TLE7: variants seen among roughly 807,000 people sequenced by gnomAD.
TLE7 encodes transducin-like enhancer protein 7.
In TLE7 at chr16:71,430,331, C is replaced by A. The variant is rs2042796737; in HGVS notation, c.1257G>T (p.Val419=). ...EESSGILCCD[V]SSDNQYLVMG... ...TGACCAGATACTGGTTGTCAGAGGA[C>A]ACGTCACAGCACAGGATACCTGAAG... is the stretch of plus-strand genomic sequence containing the variant. The change falls in exon 10 of 10, where the codon GTG becomes GTT. Residue 419 remains valine, a synonymous_variant. Transcript: ENST00000561754. 3 of 398,516 alleles carry A rather than the reference C, an allele frequency of 7.5e-6. No homozygotes were observed. The highest frequency in any genetic ancestry group is 8.8e-5 in the Admixed American group (2 of 22,714). The allele number at this position is 398,516 out of a possible 1,614,324, so 24.7% of individuals were successfully genotyped here. A position where few individuals can be genotyped will look rare whatever the true frequency, so the allele number is the denominator to read the frequency against.
chr16:71,440,810 A>T (rs34355072), intron 1 of TLE7, among the ~76,000 whole-genome samples: 3,698 of 152,240 alleles, frequency 0.024, 65 homozygotes, highest in Middle Eastern at 0.044. Flanking sequence ...GAGCCTCCAG[A>T]TCTTTATTTG....
intron 4 of TLE7, 124 bp from the exon 5 acceptor site, chr16:71,432,449 C>T (rs981469459): frequency 2.5e-5 from 10 of 397,610 alleles, no homozygotes; most frequent in African/African-American, 4.1e-5. Context: ...CAGAACCTGG[C>T]CCCTGGTTCC....
chr16:71,436,417 G>A (rs193143347), intron 1 of TLE7, among the ~76,000 whole-genome samples: 254 of 152,236 alleles, frequency 1.7e-3, no homozygotes, highest in Middle Eastern at 0.014. Flanking sequence ...AACCAACCCC[G>A]CTGAGCCAAG....
At chr16:71,441,717 C>G (rs966316883) in intron 1 of TLE7, among the ~76,000 whole-genome samples, 2 of 152,242 alleles carry the variant, frequency 1.3e-5, no homozygotes, top group Non-Finnish European at 2.9e-5. Flanking sequence ...ACGCAGGGCC[C>G]CGCTCCCCTG....
At chr16:71,440,997 G>A (rs1449375909) in intron 1 of TLE7, among the ~76,000 whole-genome samples, 3 of 152,144 alleles carry the variant, frequency 2.0e-5, no homozygotes, top group East Asian at 1.9e-4. Context: ...CTCCCGCATC[G>A]TACATTGCTC....
rs1241482497 is a variant in TLE7, at chr16:71,431,893, TG to T, written c.718del (p.Gln240ArgfsTer6). 23 of 400,524 alleles carry T rather than the reference TG, an allele frequency of 5.7e-5. No homozygotes were observed. Among genetic ancestry groups the T allele is most frequent in the Admixed American group, 8.8e-5 (2 of 22,708 alleles). The allele number at this position is 400,524 out of a possible 1,614,324, so 24.8% of individuals were successfully genotyped here. A position where few individuals can be genotyped will look rare whatever the true frequency, so the allele number is the denominator to read the frequency against. On this transcript the variant is annotated frameshift_variant, in exon 6 of 10. Transcript: ENST00000561754. LOFTEE classifies it high-confidence loss of function. This position sits in a 1 kb window ranked among gnomAD's most constrained non-coding sequence, Gnocchi z 4.5. ...VTLWDLAPTP[Q>X]VRAQLTSTGP... The stretch of plus-strand genomic sequence containing the variant: ...CGTCGAGGTCAGCTGTGCCCTGACC[TG>T]GGGGGTGGGTGCCAAGTCCCAGAGA...
chr16:71,431,389 T>G lies in TLE7; in HGVS notation c.993+32A>C. ...CCTCCATGCATGGCTCCACTACAGG[T>G]GGCATTCTGCCAGTGGTGGCCAGCC... On this transcript the variant is annotated intron_variant, in intron 7 of 9. Transcript: ENST00000561754. This position sits in a 1 kb window ranked among gnomAD's most constrained non-coding sequence, Gnocchi z 4.5. 7.5e-6 allele frequency: 3 copies of G among 400,284 alleles called. No individual in the cohort carries two copies. The highest frequency in any genetic ancestry group is 1.3e-5 in the Non-Finnish European group (3 of 226,296). The allele number at this position is 400,284 out of a possible 1,614,324, so 24.8% of individuals were successfully genotyped here. A position where few individuals can be genotyped will look rare whatever the true frequency, so the allele number is the denominator to read the frequency against.
chr16:71,437,548 T>C (rs1218612422), intron 1 of TLE7, among the ~76,000 whole-genome samples: 1 of 128,452 alleles, frequency 7.8e-6, no homozygotes, highest in Non-Finnish European at 1.8e-5. Context: ...AAGTTCCCGA[T>C]GTGTTGGTGA....
Position 71,435,707 on chromosome 16 carries a change from A to T in TLE7, c.-96-2287T>A, listed in dbSNP as rs570165875. Among the ~76,000 whole-genome samples, 3 of 152,354 alleles carry T rather than the reference A, an allele frequency of 2.0e-5. No homozygotes were observed. In the South Asian group the frequency reaches 6.2e-4, roughly 32 times the overall value. On this transcript the variant is annotated intron_variant, in intron 1 of 9. Coordinates refer to ENST00000561754, the MANE Select transcript of TLE7 (RefSeq NM_001367365.2). ...TGCATATTTCTGGACATTCAAACCTATGTTAAAAATGGTTGGATCTGGAGC... is the reference window on the plus strand; with the variant it reads ...TGCATATTTCTGGACATTCAAACCTTTGTTAAAAATGGTTGGATCTGGAGC...
At chr16:71,437,710 G>A (rs1263282137) in intron 1 of TLE7, among the ~76,000 whole-genome samples, 1 of 152,142 alleles carries the variant, frequency 6.6e-6, no homozygotes, top group Non-Finnish European at 1.5e-5. Flanking sequence ...TCCATTCCCT[G>A]ATCACCCCCT....
intron 1 of TLE7, among the ~76,000 whole-genome samples, chr16:71,439,325 G>T (rs2042838612): frequency 6.6e-6 from 1 of 152,198 alleles, no homozygotes; most frequent in Non-Finnish European, 1.5e-5. Flanking sequence ...GTAGCAGAGA[G>T]CATAGGAGAA....
In TLE7 at chr16:71,431,280, C is replaced by T. The variant is rs754442492; in HGVS notation, c.994-6G>A. On this transcript the variant is annotated splice_polypyrimidine_tract_variant and splice_region_variant and intron_variant, in intron 7 of 9. Transcript: ENST00000561754. This position sits in a 1 kb window ranked among gnomAD's most constrained non-coding sequence, Gnocchi z 4.5. Reference sequence around the variant, plus strand: ...TCGTGGGTAATGCTGAGGATCTGTTCGTGGAAGCAGGTTTGAGGTCAGCAC... The same window carrying T: ...TCGTGGGTAATGCTGAGGATCTGTTTGTGGAAGCAGGTTTGAGGTCAGCAC... 14 of 399,584 alleles carry T rather than the reference C, an allele frequency of 3.5e-5. No individual in the cohort carries two copies. The highest frequency in any genetic ancestry group is 5.3e-5 in the Non-Finnish European group (12 of 226,244). 24.8% of individuals were successfully genotyped at this position (399,584 alleles called of 1,614,324 possible).
intron 1 of TLE7, among the ~76,000 whole-genome samples, chr16:71,437,032 G>A (rs1047079774): frequency 6.6e-6 from 1 of 151,772 alleles, no homozygotes; most frequent in South Asian, 2.1e-4. Flanking sequence ...TGTCCAACAT[G>A]GTGAAACCCT....
chr16:71,434,303 G>A (rs1299567410), intron 1 of TLE7, among the ~76,000 whole-genome samples: 1 of 152,192 alleles, frequency 6.6e-6, no homozygotes, highest in Non-Finnish European at 1.5e-5. Context: ...GCCTGTGTCA[G>A]GGACCAGAGC....
Position 71,431,297 on chromosome 16 carries a change from G to C in TLE7, c.994-23C>G, listed in dbSNP as rs2042802379. The C allele has an allele frequency of 2.5e-6, 1 of 399,300 alleles. No homozygotes were observed. Among genetic ancestry groups the C allele is most frequent in the East Asian group, 3.6e-5 (1 of 28,070 alleles). 24.7% of individuals were successfully genotyped at this position (399,300 alleles called of 1,614,324 possible). ...GATCTGTTCGTGGAAGCAGGTTTGA[G>C]GTCAGCACTCAAAGTTGCCAACGCC... is the stretch of plus-strand genomic sequence containing the variant. On this transcript the variant is annotated intron_variant, in intron 7 of 9. Transcript: ENST00000561754. This position sits in a 1 kb window ranked among gnomAD's most constrained non-coding sequence, Gnocchi z 4.5.
rs1453814638 is a variant in TLE7 at position 71,431,261 on chromosome 16, G to C, written c.1007C>G (p.Thr336Ser). The C allele has an allele frequency of 1.0e-5, 4 of 399,888 alleles. No homozygotes were observed. The highest frequency in any genetic ancestry group is 2.1e-5 in the African/African-American group (1 of 48,654). The allele number at this position is 399,888 out of a possible 1,614,324, so 24.8% of individuals were successfully genotyped here. A position where few individuals can be genotyped will look rare whatever the true frequency, so the allele number is the denominator to read the frequency against. Residue 336 changes from threonine to serine, a missense_variant, in exon 8 of 10, where the codon ACC (threonine) becomes AGC (serine). Transcript: ENST00000561754. The surrounding 1 kb of genome is among the most constrained non-coding windows in gnomAD (Gnocchi z 4.5). The stretch of plus-strand genomic sequence containing the variant: ...TACCCATTCTTCACCGGGGTCGTGG[G>C]TAATGCTGAGGATCTGTTCGTGGAA... Reference protein sequence around the residue: ...HNLQNEILSITHDPGEEWVLA... With the variant: ...HNLQNEILSISHDPGEEWVLA...
intron 4 of TLE7, 116 bp from the exon 5 acceptor site, chr16:71,432,441 G>A (rs2042809508): frequency 2.5e-6 from 1 of 397,506 alleles, no homozygotes; most frequent in African/African-American, 2.1e-5. Flanking sequence ...CCCAACCGCA[G>A]AACCTGGCCC....
At chr16:71,441,624 G>T (rs1024123689) in intron 1 of TLE7, among the ~76,000 whole-genome samples, 1 of 152,210 alleles carries the variant, frequency 6.6e-6, no homozygotes, top group Non-Finnish European at 1.5e-5. Context: ...CGAGCGCGCC[G>T]GCCGCCAGGG....
chr16:71,432,534 T>C (rs2042810167), intron 4 of TLE7, 131 bp downstream of exon 4: 1 of 397,796 alleles, frequency 2.5e-6, no homozygotes, highest in South Asian at 1.4e-4. Context: ...ACAGGGAACA[T>C]AGCTCAAAAG....
Sources: allele counts gnomAD v4.1 joint callset (sites outside exome capture counted in the v4.1 genomes callset), GRCh38; gene constraint gnomAD v4.1.1; non-coding constraint Gnocchi (gnomAD v3.1); transcripts MANE v1.5; gene names NCBI Gene and HGNC (gene_info 2026-07-23, HGNC 2026-07-21).